Variants in NAALADL2 observed in about 807,000 individuals in gnomAD.
NAALADL2 encodes N-acetylated alpha-linked acidic dipeptidase like 2, also known as inactive N-acetylated-alpha-linked acidic dipeptidase-like protein 2.
NAALADL2 carries 76 observed loss-of-function variants against 87.2 expected under a neutral mutation model. That is an observed-to-expected ratio of 0.87 (90% CI 0.72 to 1.05). The LOEUF (loss-of-function observed/expected upper bound fraction) is 1.05, where lower values mean the gene tolerates loss of function less well. NAALADL2 is among the 50% of genes least tolerant of loss of function. The pLI, the probability that NAALADL2 is intolerant of heterozygous loss-of-function variation, is 0.00. For missense variants in NAALADL2, 1,089 were observed against 945.8 expected (o/e 1.15, Z -1.99); for synonymous variants, 354 against 331.0 (o/e 1.07, Z -0.75).
intron 3 of NAALADL2, among the ~76,000 whole-genome samples, chr3:175,245,208 T>C (rs1054267997): frequency 1.3e-5 from 2 of 152,206 alleles, no homozygotes; most frequent in Non-Finnish European, 1.5e-5. Flanking sequence ...AATTATGTTA[T>C]ATTTTTAAAT....
intron 11 of NAALADL2, among the ~76,000 whole-genome samples, chr3:175,666,172 A>G (rs1486093217): frequency 6.6e-6 from 1 of 152,126 alleles, no homozygotes; most frequent in Non-Finnish European, 1.5e-5. Flanking sequence ...TCTGTGTTGC[A>G]GAATGTGTTG....
intron 9 of NAALADL2, among the ~76,000 whole-genome samples, chr3:175,506,562 A>T (rs1315363201): frequency 1.3e-5 from 2 of 152,218 alleles, no homozygotes; most frequent in Non-Finnish European, 2.9e-5. Flanking sequence ...CTTTTACTTA[A>T]CAGATTTTAA....
intron 1 of NAALADL2, among the ~76,000 whole-genome samples, chr3:174,868,096 T>A (rs1288403649): frequency 6.6e-6 from 1 of 152,084 alleles, no homozygotes. Flanking sequence ...GTACTAGGTG[T>A]GACGGATGGC....
intron 5 of NAALADL2, among the ~76,000 whole-genome samples, chr3:175,384,610 A>G (rs969630717): frequency 6.6e-6 from 1 of 151,970 alleles, no homozygotes; most frequent in Non-Finnish European, 1.5e-5. Flanking sequence ...CCTTTCAAAT[A>G]AGAATTATCC....
chr3:174,813,652 CTTTTG>C (rs1720464799), intron 3 of NAALADL2, among the ~76,000 whole-genome samples: 1 of 152,002 alleles, frequency 6.6e-6, no homozygotes, highest in Non-Finnish European at 1.5e-5. Flanking sequence ...ACTCTTTGTT[CTTTTG>C]TTTTATTTTT....
At chr3:175,570,811 C>T (rs1047776577) in intron 9 of NAALADL2, among the ~76,000 whole-genome samples, 2 of 146,004 alleles carry the variant, frequency 1.4e-5, no homozygotes, top group East Asian at 4.0e-4. Flanking sequence ...ACCCAGGGGG[C>T]AGAGCTTGCA....
rs1022500336 is a variant in NAALADL2 at position 175,029,948 on chromosome 3, C to G, written c.44-66842C>G. On this transcript the variant is annotated intron_variant, in intron 1 of 13. Transcript: ENST00000454872. ...AGGCAATATATATGTTAGAAATTAG[C>G]AGGTCCTCCAGTTGTAAAACCTTGA... is the stretch of plus-strand genomic sequence containing the variant. Among the ~76,000 whole-genome samples the G allele has an allele frequency of 2.0e-5, 3 of 152,026 alleles. 1 individual carries two copies. The highest frequency in any genetic ancestry group is 1.5e-5 in the Non-Finnish European group (1 of 67,992).
chr3:174,657,439 G>T (rs545766317), intron 2 of NAALADL2, among the ~76,000 whole-genome samples: 2 of 152,002 alleles, frequency 1.3e-5, no homozygotes, highest in Non-Finnish European at 2.9e-5. Flanking sequence ...CTACAGGCAT[G>T]AGCGACCCTG....
At chr3:175,763,611 A>G (rs1748319735) in intron 13 of NAALADL2, among the ~76,000 whole-genome samples, 1 of 152,246 alleles carries the variant, frequency 6.6e-6, no homozygotes, top group African/African-American at 2.4e-5. Flanking sequence ...GTATACAAAT[A>G]GAAAGCAATG....
intron 1 of NAALADL2, among the ~76,000 whole-genome samples, chr3:174,942,795 T>C (rs56053910): frequency 0.09 from 13,691 of 152,226 alleles, 1,084 homozygotes; most frequent in African/African-American, 0.21. Flanking sequence ...GTCTTCAAGT[T>C]CTGAGATTCT....
intron 11 of NAALADL2, among the ~76,000 whole-genome samples, chr3:175,701,580 G>A (rs925055534): frequency 4.6e-5 from 7 of 152,036 alleles, no homozygotes; most frequent in East Asian, 1.9e-4. Context: ...AAAACTGCAC[G>A]CCAGTAGGCT....
At chr3:175,705,291 C>A (rs972467482) in intron 11 of NAALADL2, among the ~76,000 whole-genome samples, 3 of 152,044 alleles carry the variant, frequency 2.0e-5, no homozygotes, top group African/African-American at 7.2e-5. Flanking sequence ...AAAGTCAAGA[C>A]CAGATCTTCT....
At chr3:174,511,938 C>T (rs1719621857) in intron 1 of NAALADL2, among the ~76,000 whole-genome samples, 1 of 152,030 alleles carries the variant, frequency 6.6e-6, no homozygotes, top group Non-Finnish European at 1.5e-5. Flanking sequence ...AGTATACTTC[C>T]ATTTTTCTTC....
At chr3:174,931,027 A>G (rs1053028623) in intron 1 of NAALADL2, among the ~76,000 whole-genome samples, 1 of 151,948 alleles carries the variant, frequency 6.6e-6, no homozygotes, top group Non-Finnish European at 1.5e-5. Flanking sequence ...CAGGTTCTTG[A>G]TGAGAGGTAG....
At chr3:174,833,786 G>A (rs1238480490) in intron 3 of NAALADL2, among the ~76,000 whole-genome samples, 1 of 151,280 alleles carries the variant, frequency 6.6e-6, no homozygotes, top group Non-Finnish European at 1.5e-5. Context: ...TATATTGAGA[G>A]AGTAAATGGG....
chr3:174,833,556 C>T (rs1461931895), intron 3 of NAALADL2, among the ~76,000 whole-genome samples: 1 of 151,944 alleles, frequency 6.6e-6, no homozygotes, highest in East Asian at 1.9e-4. Flanking sequence ...TATTATGAAG[C>T]CAGTTTTGCC....
intron 3 of NAALADL2, among the ~76,000 whole-genome samples, chr3:174,742,301 A>G (rs1339038580): frequency 6.6e-6 from 1 of 151,682 alleles, no homozygotes; most frequent in Non-Finnish European, 1.5e-5. Flanking sequence ...GGGATACAAA[A>G]ACATTACAAT....
At chr3:174,970,460 C>T (rs1332650367) in intron 1 of NAALADL2, among the ~76,000 whole-genome samples, 2 of 152,054 alleles carry the variant, frequency 1.3e-5, no homozygotes, top group Non-Finnish European at 2.9e-5. Context: ...TTAATCTGGT[C>T]CAAGATGATC....
intron 3 of NAALADL2, among the ~76,000 whole-genome samples, chr3:174,836,233 G>A (rs546374902): frequency 4.6e-5 from 7 of 152,122 alleles, no homozygotes; most frequent in African/African-American, 7.2e-5. Context: ...TAAGCTAGTC[G>A]CAAAAAATAG....
Sources: allele counts gnomAD v4.1 joint callset (sites outside exome capture counted in the v4.1 genomes callset), GRCh38; gene constraint gnomAD v4.1.1; transcripts MANE v1.5; gene names NCBI Gene and HGNC (gene_info 2026-07-23, HGNC 2026-07-21).